EIF4ENIF1: variants seen among roughly 807,000 people sequenced by gnomAD.
The protein encoded by EIF4ENIF1 is eukaryotic translation initiation factor 4E transporter.
EIF4ENIF1 carries 23 observed loss-of-function variants against 110.5 expected under a neutral mutation model. The ratio of observed to expected loss-of-function variants is 0.21; its 90% CI spans 0.15 to 0.29. EIF4ENIF1 has a LOEUF of 0.29. Ranked by LOEUF, EIF4ENIF1 falls within the 10% of genes least tolerant of loss-of-function variation. EIF4ENIF1 has a pLI of 1.00. For missense variants in EIF4ENIF1, 1,031 were observed against 1,221.1 expected, an observed-to-expected ratio of 0.84 and a Z score of 2.32; for synonymous variants, 440 against 437.0, an observed-to-expected ratio of 1.01 and a Z score of -0.09.
In EIF4ENIF1 at chr22:31,450,884, CACACACACACAA is replaced by C. The variant is rs1393715363; in HGVS notation, c.1513-536_1513-525del. On this transcript the variant is annotated intron_variant, in intron 10 of 18. Transcript: ENST00000330125. Reference sequence around the variant, plus strand: ...ACACACACACACACACACACACACACACACACACACAAAAGAGACAGGGTCTTGTTCTGTTGC... The same window carrying C: ...ACACACACACACACACACACACACACAAGAGACAGGGTCTTGTTCTGTTGC... 2.5e-3 allele frequency: 400 copies of C among 160,388 alleles called. 5 individuals carry two copies. The highest frequency in any genetic ancestry group is 9.0e-3 in the African/African-American group (344 of 38,380). The allele number at this position is 160,388 out of a possible 1,614,324, so 9.9% of individuals were successfully genotyped here. A position where few individuals can be genotyped will look rare whatever the true frequency, so the allele number is the denominator to read the frequency against.
intron 2 of EIF4ENIF1, among the ~76,000 whole-genome samples, chr22:31,488,027 A>C (rs1368934542): frequency 6.6e-6 from 1 of 152,148 alleles, no homozygotes; most frequent in African/African-American, 2.4e-5. Context: ...CTGATGCAAG[A>C]TCTTTAATAA....
chr22:31,481,627 G>T (rs902382522), intron 2 of EIF4ENIF1, among the ~76,000 whole-genome samples: 1 of 152,150 alleles, frequency 6.6e-6, no homozygotes, highest in Non-Finnish European at 1.5e-5. Flanking sequence ...ATTTAAATCA[G>T]TTACTCTTTT....
chr22:31,445,191 G>A (rs1422694173), intron 14 of EIF4ENIF1, among the ~76,000 whole-genome samples: 7 of 152,126 alleles, frequency 4.6e-5, no homozygotes, highest in Non-Finnish European at 7.3e-5. Flanking sequence ...GCTAGGGAGG[G>A]CCTTCATTCT....
chr22:31,475,839 G>A (rs1202775940), intron 2 of EIF4ENIF1, among the ~76,000 whole-genome samples: 1 of 151,304 alleles, frequency 6.6e-6, no homozygotes, highest in Non-Finnish European at 1.5e-5. Flanking sequence ...CATCCTGGGT[G>A]ACAGAGACCC....
At chr22:31,452,079 A>G (rs1172007844) in intron 10 of EIF4ENIF1, among the ~76,000 whole-genome samples, 6 of 152,246 alleles carry the variant, frequency 3.9e-5, no homozygotes, top group Non-Finnish European at 1.5e-5. Context: ...TTTATACTGC[A>G]TGGCTTATTA....
chr22:31,464,266 T>C (rs1280835708), intron 4 of EIF4ENIF1: 4 of 298,702 alleles, frequency 1.3e-5, no homozygotes, highest in Non-Finnish European at 1.8e-5. Flanking sequence ...AGCAAATGTT[T>C]TGTCAACTAA....
chr22:31,458,738 A>G, intron 6 of EIF4ENIF1, 88 bp from the exon 7 acceptor site: 3 of 1,228,068 alleles, frequency 2.4e-6, no homozygotes, highest in Non-Finnish European at 2.2e-6. Flanking sequence ...TACATGTAGA[A>G]GAGCCACACA....
chr22:31,441,176 G>C (rs565775854), intron 17 of EIF4ENIF1, among the ~76,000 whole-genome samples: 2 of 151,990 alleles, frequency 1.3e-5, no homozygotes, highest in Non-Finnish European at 2.9e-5. Context: ...CCTAGAACTC[G>C]GGAGAGGCAG....
Position 31,440,028 on chromosome 22 carries a change from A to T in EIF4ENIF1, c.2810T>A (p.Met937Lys). The T allele has an allele frequency of 6.2e-7, 1 of 1,613,936 alleles. No homozygotes were observed. Among genetic ancestry groups the T allele is most frequent in the African/African-American group, 1.3e-5 (1 of 75,036 alleles). Residue 937 changes from methionine to lysine, a missense_variant, in exon 19 of 19, where the codon ATG (methionine) becomes AAG (lysine). By Grantham distance (95) the Met-to-Lys change is moderately conservative. Coordinates refer to ENST00000330125, the MANE Select transcript of EIF4ENIF1 (RefSeq NM_019843.4). ...GGGGCGATGCTCCAGCTGGGAGTGCATGTGGGGCAGGCCTGACCGGCTGGG... is the reference window on the plus strand; with the variant it reads ...GGGGCGATGCTCCAGCTGGGAGTGCTTGTGGGGCAGGCCTGACCGGCTGGG... Reference protein sequence around the residue: ...NVPSRSGLPHMHSQLEHRPSQ... With the variant: ...NVPSRSGLPHKHSQLEHRPSQ...
chr22:31,453,651 G>A (rs562222256), intron 10 of EIF4ENIF1, among the ~76,000 whole-genome samples: 4 of 152,266 alleles, frequency 2.6e-5, no homozygotes, highest in East Asian at 1.9e-4. Flanking sequence ...GGGATTACAC[G>A]CGTGAGCCAC....
intron 16 of EIF4ENIF1, 92 bp from the exon 17 acceptor site, chr22:31,442,210 A>C: frequency 9.8e-7 from 1 of 1,015,794 alleles, no homozygotes; most frequent in South Asian, 1.6e-5. Context: ...TCTTAAGGTC[A>C]CAATTCTTAT....
At chr22:31,491,321 A>G (rs946007218), upstream of EIF4ENIF1, among the ~76,000 whole-genome samples, 4 of 152,172 alleles carry the variant, frequency 2.6e-5, no homozygotes, top group African/African-American at 9.7e-5. Flanking sequence ...TGTTTTTGGA[A>G]TCCAAATTCT....
intron 12 of EIF4ENIF1, among the ~76,000 whole-genome samples, chr22:31,448,951 C>T (rs2050562464): frequency 6.6e-6 from 1 of 152,108 alleles, no homozygotes; most frequent in Non-Finnish European, 1.5e-5. Context: ...ATAACATGAA[C>T]ATATTCACCT....
rs781428931 is a variant in EIF4ENIF1 at position 31,450,346 on chromosome 22, G to A, written c.1527C>T (p.Ser509=). The A allele has an allele frequency of 6.2e-7, 1 of 1,613,184 alleles. No individual in the cohort carries two copies. The change falls in exon 11 of 19, where the codon AGC becomes AGT. Residue 509 remains serine, a synonymous_variant. Coordinates refer to ENST00000330125, the MANE Select transcript of EIF4ENIF1 (RefSeq NM_019843.4). The part of the protein sequence containing the change: ...SQPKVSRNLE[S]HLMSPAEIPG... ...GAATCTCAGCAGGGGACATCAAATG[G>A]CTTTCAAGGTTTCGCTAAAAGAGTC...
At position 31,440,080 on chromosome 22, in the gene EIF4ENIF1, T is replaced by C. The variant is rs759173524; in HGVS notation, c.2758A>G (p.Ser920Gly). 20 of 1,614,024 alleles carry C rather than the reference T, an allele frequency of 1.2e-5. No homozygotes were observed. The South Asian group carries it at 1.8e-4, about 14-fold the overall frequency. The stretch of plus-strand genomic sequence containing the variant: ...ACGTTCTGAGGGGTTGTCTGAACGC[T>C]GACAGCTGCTGCATGGGAACCAGAG... ...PGSGSHAAAV[S>G]VQTTPQNVPS... Residue 920 changes from serine to glycine, a missense_variant, in exon 19 of 19, where the codon AGC becomes GGC. Around this residue, in one of 3 missense-constraint regions of EIF4ENIF1, gnomAD observed 309 missense variants for 299.1 expected, o/e 1.03. Coordinates refer to ENST00000330125, the MANE Select transcript of EIF4ENIF1 (RefSeq NM_019843.4).
In EIF4ENIF1 at chr22:31,486,106, C is replaced by T. The variant is rs538365668; in HGVS notation, c.96+2517G>A. 1.6e-3 allele frequency among the ~76,000 whole-genome samples: 242 copies of T among 152,024 alleles called. 1 individual carries two copies. The highest frequency in any genetic ancestry group is 4.7e-3 in the African/African-American group (195 of 41,480). ...CCAACATGGCAAAACCCTGTCTCTA[C>T]TAAAAATACAAAAATGAGCTGGGCG... On this transcript the variant is annotated intron_variant, in intron 2 of 18. Transcript: ENST00000330125.
intron 17 of EIF4ENIF1, among the ~76,000 whole-genome samples, chr22:31,441,101 A>G (rs1377025767): frequency 6.6e-6 from 1 of 152,188 alleles, no homozygotes; most frequent in Non-Finnish European, 1.5e-5. Context: ...CTAAAAATAC[A>G]AAAATTAGCC....
In EIF4ENIF1 at chr22:31,488,656, A is replaced by C. The variant is rs2052136115; in HGVS notation, c.63T>G (p.Pro21=). The C allele has an allele frequency of 1.2e-6, 2 of 1,614,066 alleles. No homozygotes were observed. The highest frequency in any genetic ancestry group is 1.7e-6 in the Non-Finnish European group (2 of 1,180,034). ...SGDAFLDLKK[P]PASKCPHRYT... ...AGCGATGGGGGCATTTGGAGGCAGGAGGCTTCTTCAGGTCAAGGAAAGCAT... is the reference window on the plus strand; with the variant it reads ...AGCGATGGGGGCATTTGGAGGCAGGCGGCTTCTTCAGGTCAAGGAAAGCAT... The change falls in exon 2 of 19, where the codon CCT becomes CCG. Residue 21 remains proline, a synonymous_variant. Coordinates refer to ENST00000330125, the MANE Select transcript of EIF4ENIF1 (RefSeq NM_019843.4).
chr22:31,454,960 G>C (rs2050771980), intron 9 of EIF4ENIF1, among the ~76,000 whole-genome samples, 176 bp downstream of exon 9: 1 of 152,140 alleles, frequency 6.6e-6, no homozygotes, highest in Non-Finnish European at 1.5e-5. Flanking sequence ...CCCACTGTGA[G>C]ATTCTCAAAG....
Sources: allele counts gnomAD v4.1 joint callset (sites outside exome capture counted in the v4.1 genomes callset), GRCh38; gene constraint gnomAD v4.1.1; regional missense constraint gnomAD v4.1.1; transcripts MANE v1.5; gene names NCBI Gene and HGNC (gene_info 2026-07-23, HGNC 2026-07-21).